The following MORN1 variants were observed in gnomAD, a reference collection of about 807,000 sequenced individuals.
The protein encoded by MORN1 is MORN repeat-containing protein 1.
In MORN1, 67 loss-of-function variants were observed where a neutral mutation model predicts 61.9. The observed-to-expected ratio is 1.08, with a 90% confidence interval of 0.89 to 1.33. The LOEUF (loss-of-function observed/expected upper bound fraction) is 1.33, where lower values mean the gene tolerates loss of function less well. MORN1 is among the 40% of genes most tolerant of loss of function. The pLI, the probability that MORN1 is intolerant of heterozygous loss-of-function variation, is 0.00. For missense variants in MORN1, 752 were observed against 691.2 expected, an observed-to-expected ratio of 1.09 and a Z score of -0.99; for synonymous variants, 301 against 292.0, an observed-to-expected ratio of 1.03 and a Z score of -0.31.
chr1:2,322,395 G>A, intron 13 of MORN1: 3 of 985,374 alleles, frequency 3.0e-6, no homozygotes, highest in Non-Finnish European at 3.6e-6. Flanking sequence ...GCAAGGCAGA[G>A]CAACATTCCA....
At chr1:2,326,327 A>G (rs1315925504) in intron 12 of MORN1, 1 of 152,188 alleles carries the variant, frequency 6.6e-6, no homozygotes, top group Non-Finnish European at 1.5e-5. Flanking sequence ...TTCAGCACCG[A>G]GAAGAACTAG....
At chr1:2,360,675 G>C (rs1252002362) in intron 8 of MORN1, among the ~76,000 whole-genome samples, 4 of 151,714 alleles carry the variant, frequency 2.6e-5, no homozygotes, top group Non-Finnish European at 5.9e-5. Context: ...GCAGCCCGCA[G>C]GAGGCCCTGG....
intron 8 of MORN1, among the ~76,000 whole-genome samples, chr1:2,361,348 G>A (rs1374479431): frequency 6.6e-6 from 1 of 152,090 alleles, no homozygotes; most frequent in Non-Finnish European, 1.5e-5. Context: ...CCTGAGGTCA[G>A]GAGTTTGAGA....
chr1:2,370,969 G>A (rs762780151), intron 8 of MORN1, among the ~76,000 whole-genome samples: 2 of 152,022 alleles, frequency 1.3e-5, no homozygotes, highest in African/African-American at 4.8e-5. Context: ...ACTTTGGGAG[G>A]CCAAGGCGGG....
intron 10 of MORN1, chr1:2,352,047 C>T (rs1641661522): frequency 1.8e-6 from 1 of 557,818 alleles, no homozygotes; most frequent in African/African-American, 1.9e-5. Flanking sequence ...AATGAGTCCA[C>T]CAAGACCCTA....
At chr1:2,387,905 T>G in intron 3 of MORN1, 1 of 416,302 alleles carries the variant, frequency 2.4e-6, no homozygotes, top group Non-Finnish European at 4.3e-6. Context: ...GGGTCTGAGG[T>G]TCCTGGACAC....
chr1:2,389,983 G>C lies in MORN1; in HGVS notation c.90C>G (p.Tyr30Ter), dbSNP rs34713178. ...RRPPRNGYGV[Y>*]VYPNSFFRYE... ...ATCGAAAGAAGGAATTTGGGTATACGTAGACACCATAACCTGAGTATTGAG... is the reference window on the plus strand; with the variant it reads ...ATCGAAAGAAGGAATTTGGGTATACCTAGACACCATAACCTGAGTATTGAG... The change falls in exon 2 of 14, where the codon TAC becomes TAG. Residue 30 changes from tyrosine (Y) to a stop codon, truncating the protein, a stop_gained. Transcript: ENST00000378531. LOFTEE classifies it high-confidence loss of function. The C allele has an allele frequency of 1.9e-6, 3 of 1,613,710 alleles. No individual in the cohort carries two copies. Among genetic ancestry groups the C allele is most frequent in the Admixed American group, 1.7e-5 (1 of 60,004 alleles).
intron 10 of MORN1, 120 bp from the exon 11 acceptor site, chr1:2,336,970 G>A (rs576971515): frequency 9.6e-5 from 114 of 1,182,632 alleles, no homozygotes; most frequent in Non-Finnish European, 1.1e-4. Flanking sequence ...CGCCAGTCGC[G>A]ATGCCATCTT....
intron 8 of MORN1, among the ~76,000 whole-genome samples, chr1:2,364,609 G>A (rs541683467): frequency 1.5e-4 from 23 of 150,690 alleles, no homozygotes; most frequent in African/African-American, 4.6e-4. Context: ...CATTGCTTTC[G>A]GTGTTTTAGA....
At chr1:2,325,129 T>TC (rs796554816) in intron 12 of MORN1, among the ~76,000 whole-genome samples, 1,245 of 55,082 alleles carry the variant, frequency 0.023, 87 homozygotes, top group African/African-American at 0.06. Context: ...TTCCCTTCCT[T>TC]CCTTCCCTCC....
chr1:2,321,706 G>A, intron 13 of MORN1, 127 bp from the exon 14 acceptor site: 3 of 1,270,204 alleles, frequency 2.4e-6, no homozygotes, highest in Non-Finnish European at 3.1e-6. Flanking sequence ...ATCTCTGCCT[G>A]GGTTCTGGGA....
chr1:2,376,861 A>G (rs1570027462), intron 6 of MORN1: 1 of 152,228 alleles, frequency 6.6e-6, no homozygotes, highest in East Asian at 1.9e-4. Flanking sequence ...CACCTTTGAC[A>G]ATTCGGCTGT....
At position 2,372,539 on chromosome 1, in the gene MORN1, T is replaced by C; in HGVS notation, c.687A>G (p.Gln229=). Residue 229 remains glutamine (Q), a synonymous_variant, in exon 8 of 14, where the codon CAA becomes CAG. Coordinates refer to ENST00000378531, the MANE Select transcript of MORN1 (RefSeq NM_024848.3). The surrounding 1 kb of genome is among the most constrained non-coding windows in gnomAD (Gnocchi z 5.4). The part of the protein sequence containing the change: ...ILGPEVMEVA[Q]GSPFSVNVQL... ...GAACGTTCACCGAGAAGGGAGACCC[T>C]TGGGCCACTTCCATCACCTCCGGAC... 10 of 1,613,584 alleles carry C rather than the reference T, an allele frequency of 6.2e-6. No homozygotes were observed. Among genetic ancestry groups the C allele is most frequent in the African/African-American group, 1.3e-5 (1 of 74,838 alleles).
chr1:2,327,645 C>A (rs1037984499), intron 12 of MORN1, among the ~76,000 whole-genome samples: 3 of 152,198 alleles, frequency 2.0e-5, no homozygotes, highest in Admixed American at 6.5e-5. Flanking sequence ...GTGGCCCGTG[C>A]GGCTTTTAGA....
chr1:2,366,454 G>C (rs1370037110), intron 8 of MORN1, among the ~76,000 whole-genome samples: 2 of 151,728 alleles, frequency 1.3e-5, no homozygotes, highest in Non-Finnish European at 2.9e-5. Flanking sequence ...TTGTGCACAG[G>C]TACCTAAAAC....
chr1:2,380,496 C>T, intron 6 of MORN1, among the ~76,000 whole-genome samples: 1 of 152,116 alleles, frequency 6.6e-6, no homozygotes, highest in East Asian at 1.9e-4. Flanking sequence ...AGTTAAGATG[C>T]TAAGTTTTAC....
Position 2,373,397 on chromosome 1 carries a change from G to A in MORN1, c.635-806C>T, listed in dbSNP as rs199850446. On this transcript the variant is annotated intron_variant, in intron 7 of 13. Coordinates refer to ENST00000378531, the MANE Select transcript of MORN1 (RefSeq NM_024848.3). ...GCAAAGCCAGAGCCCACCTTGGCTC[G>A]GAGGGAGACCCTCCTCGGGGTGAAG... Among the ~76,000 whole-genome samples, 9 of 152,364 alleles carry A rather than the reference G, an allele frequency of 5.9e-5. No individual in the cohort carries two copies. In the South Asian group the frequency reaches 6.2e-4, roughly 11 times the overall value.
Position 2,384,961 on chromosome 1 carries a change from C to T in MORN1, c.537+17G>A, listed in dbSNP as rs564585850. 44 of 1,539,116 alleles carry T rather than the reference C, an allele frequency of 2.9e-5. No homozygotes were observed. The East Asian group carries it at 4.6e-4, about 16-fold the overall frequency. On this transcript the variant is annotated intron_variant, in intron 6 of 13. Coordinates refer to ENST00000378531, the MANE Select transcript of MORN1 (RefSeq NM_024848.3). ...CCTGTACCCTCTGGGCAGCAGGTGC[C>T]GCGCGCCCCCGGGTACCTTGTAGGT...
In MORN1 at chr1:2,321,655, G is replaced by A. The variant is rs1009380777; in HGVS notation, c.1298-76C>T. 33 of 1,411,532 alleles carry A rather than the reference G, an allele frequency of 2.3e-5. No homozygotes were observed. In the Admixed American group the frequency reaches 5.4e-4, roughly 23 times the overall value. The allele number at this position is 1,411,532 out of a possible 1,614,324, so 87.4% of individuals were successfully genotyped here. A position where few individuals can be genotyped will look rare whatever the true frequency, so the allele number is the denominator to read the frequency against. On this transcript the variant is annotated intron_variant, in intron 13 of 13. Transcript: ENST00000378531. ...CCCTGGCCTCAGCCCACTGCCCACT[G>A]TCTCATGTGCCCGCTGGCCCCTGTG...
Sources: allele counts gnomAD v4.1 joint callset (sites outside exome capture counted in the v4.1 genomes callset), GRCh38; gene constraint gnomAD v4.1.1; non-coding constraint Gnocchi (gnomAD v3.1); transcripts MANE v1.5; gene names NCBI Gene and HGNC (gene_info 2026-07-23, HGNC 2026-07-21).